CNIH3: variants seen among roughly 807,000 people sequenced by gnomAD.
The protein encoded by CNIH3 is cornichon family AMPA receptor auxiliary protein 3, also known as protein cornichon homolog 3.
Under a neutral mutation model 24.1 loss-of-function variants are expected in CNIH3, and 14 were observed. The observed-to-expected ratio is 0.58, with a 90% CI of 0.38 to 0.91. CNIH3 has a LOEUF of 0.91. Ranked by LOEUF, CNIH3 falls within the 40% of genes least tolerant of loss-of-function variation. The probability of loss-of-function intolerance (pLI) is 0.00; values close to 1 mark genes in which losing one functional copy is unlikely to be tolerated. For missense variants in CNIH3, 178 were observed against 196.8 expected, an observed-to-expected ratio of 0.90 and a Z score of 0.57; for synonymous variants, 68 against 73.8, an observed-to-expected ratio of 0.92 and a Z score of 0.40.
At chr1:224,671,744 A>G (rs560782948) in intron 1 of CNIH3, among the ~76,000 whole-genome samples, 1 of 152,310 alleles carries the variant, frequency 6.6e-6, no homozygotes, top group Non-Finnish European at 1.5e-5. Flanking sequence ...CTTTTTAGAA[A>G]AGGGAGTGGA....
chr1:224,538,830 A>ATTTTT (rs71574506), downstream of CNIH3, among the ~76,000 whole-genome samples: 5 of 124,232 alleles, frequency 4.0e-5, no homozygotes, highest in African/African-American at 9.7e-5. Context: ...AGCTAATTAC[A>ATTTTT]TTTTTTTTTT....
intron 3 of CNIH3, among the ~76,000 whole-genome samples, chr1:224,555,389 A>T (rs1177619191): frequency 6.6e-6 from 1 of 152,212 alleles, no homozygotes; most frequent in African/African-American, 2.4e-5. Context: ...TTCCTTGTTC[A>T]GGATGACACT....
intron 1 of CNIH3, among the ~76,000 whole-genome samples, chr1:224,463,830 G>C (rs1242559229): frequency 8.5e-6 from 1 of 117,902 alleles, no homozygotes; most frequent in Non-Finnish European, 1.6e-5. Context: ...TCGCTCTGTC[G>C]CCCAGGCTGG....
intron 1 of CNIH3, among the ~76,000 whole-genome samples, chr1:224,665,306 A>G (rs1685542674): frequency 6.6e-6 from 1 of 152,218 alleles, no homozygotes; most frequent in Non-Finnish European, 1.5e-5. Flanking sequence ...AGTCTGGTGT[A>G]GAGAAGGAGG....
intron 1 of CNIH3, among the ~76,000 whole-genome samples, chr1:224,444,168 G>T (rs885606): frequency 6.6e-6 from 1 of 151,448 alleles, no homozygotes; most frequent in African/African-American, 2.4e-5. Context: ...CTTATACTTC[G>T]GTATATAGCT....
intron 2 of CNIH3, chr1:224,521,405 T>A (rs1440893652): frequency 6.6e-6 from 1 of 152,224 alleles, no homozygotes; most frequent in Non-Finnish European, 1.5e-5. Flanking sequence ...AGTAAATAAC[T>A]GTCAAGATTA....
intron 1 of CNIH3, among the ~76,000 whole-genome samples, chr1:224,476,995 C>T (rs188323347): frequency 1.3e-3 from 194 of 152,302 alleles, no homozygotes; most frequent in Non-Finnish European, 2.2e-3. Flanking sequence ...TCCCAAGCAG[C>T]CCACAGTCCT....
intron 1 of CNIH3, among the ~76,000 whole-genome samples, chr1:224,622,283 A>G (rs936714112): frequency 6.6e-6 from 1 of 152,182 alleles, no homozygotes; most frequent in African/African-American, 2.4e-5. Flanking sequence ...AATTATTGCA[A>G]AGAAGACTGG....
chr1:224,737,188 A>C (rs1572845296), intron 5 of CNIH3, among the ~76,000 whole-genome samples: 1 of 98,656 alleles, frequency 1.0e-5, no homozygotes, highest in Non-Finnish European at 1.8e-5. Flanking sequence ...GTTCACAGGG[A>C]GGGAAGCGGC....
chr1:224,586,271 T>C (rs886278748), intron 5 of CNIH3, among the ~76,000 whole-genome samples: 6 of 152,184 alleles, frequency 3.9e-5, no homozygotes, highest in African/African-American at 1.4e-4. Flanking sequence ...AGAGTTTTAA[T>C]AGACTCACAG....
At chr1:224,736,586 C>G (rs557385417) in intron 5 of CNIH3, among the ~76,000 whole-genome samples, 1 of 152,196 alleles carries the variant, frequency 6.6e-6, no homozygotes, top group Non-Finnish European at 1.5e-5. Flanking sequence ...TAAACAAGCT[C>G]TCTGGACAAT....
chr1:224,474,824 G>C (rs1171094319), intron 1 of CNIH3, among the ~76,000 whole-genome samples: 2 of 151,002 alleles, frequency 1.3e-5, no homozygotes, highest in East Asian at 2.0e-4. Context: ...TCAGGAGATC[G>C]AGACCATCCT....
chr1:224,445,955 T>G (rs1018290588), intron 1 of CNIH3, among the ~76,000 whole-genome samples: 5 of 152,222 alleles, frequency 3.3e-5, no homozygotes, highest in African/African-American at 1.2e-4. Flanking sequence ...CACAGTTCAT[T>G]GTTTTTCCAT....
At chr1:224,706,153 T>C (rs1175762459) in intron 3 of CNIH3, among the ~76,000 whole-genome samples, 2 of 152,080 alleles carry the variant, frequency 1.3e-5, no homozygotes, top group African/African-American at 2.4e-5. Flanking sequence ...GCAAAAGAGG[T>C]GTGTTCAGTT....
At chr1:224,489,872 AG>A (rs1263691244) in intron 1 of CNIH3, among the ~76,000 whole-genome samples, 3 of 152,178 alleles carry the variant, frequency 2.0e-5, no homozygotes, top group Non-Finnish European at 4.4e-5. Context: ...ACGTGTTGAA[AG>A]GGGGCAAGGC....
At chr1:224,619,047 C>G (rs570993642) in intron 1 of CNIH3, among the ~76,000 whole-genome samples, 5 of 152,304 alleles carry the variant, frequency 3.3e-5, no homozygotes, top group Non-Finnish European at 5.9e-5. Context: ...CAACTACTCC[C>G]TTTTCTTCTG....
At chr1:224,639,950 G>T (rs551963848) in intron 1 of CNIH3, among the ~76,000 whole-genome samples, 2 of 152,270 alleles carry the variant, frequency 1.3e-5, no homozygotes, top group African/African-American at 4.8e-5. Context: ...TCCATGTATT[G>T]AGTTATGATT....
chr1:224,705,811 TTC>T (rs1687755259), intron 3 of CNIH3, among the ~76,000 whole-genome samples: 2 of 152,080 alleles, frequency 1.3e-5, no homozygotes, highest in South Asian at 2.1e-4. Flanking sequence ...TCACTTTTTT[TTC>T]TCTTTCTCTT....
chr1:224,469,320 G>T (rs1676275944), intron 1 of CNIH3, among the ~76,000 whole-genome samples: 1 of 151,950 alleles, frequency 6.6e-6, no homozygotes, highest in Non-Finnish European at 1.5e-5. Flanking sequence ...GGACTCAAAT[G>T]ATCCTTCCAC....
Sources: gnomAD v4.1 joint callset for allele counts (sites outside exome capture counted in the v4.1 genomes callset) on GRCh38, gnomAD v4.1.1 for gene constraint, MANE v1.5 for transcripts, NCBI Gene and HGNC (gene_info 2026-07-23, HGNC 2026-07-21) for gene names.